CDK8: variants seen among roughly 807,000 people sequenced by gnomAD.
CDK8 encodes cyclin-dependent kinase 8.
Under a neutral mutation model 71.5 loss-of-function variants are expected in CDK8, and 29 were observed. That is an observed-to-expected ratio of 0.41 (90% confidence interval 0.30 to 0.55). CDK8 has a LOEUF of 0.55. Ranked by LOEUF, CDK8 falls within the 20% of genes least tolerant of loss-of-function variation. The probability of loss-of-function intolerance (pLI) is 0.37; values close to 1 mark genes in which losing one functional copy is unlikely to be tolerated. For missense variants in CDK8, 288 were observed against 572.6 expected, an observed-to-expected ratio of 0.50 and a Z score of 5.07; for synonymous variants, 161 against 192.1, an observed-to-expected ratio of 0.84 and a Z score of 1.34.
At chr13:26,286,641 G>A (rs183121445) in intron 1 of CDK8, among the ~76,000 whole-genome samples, 114 of 152,166 alleles carry the variant, frequency 7.5e-4, no homozygotes, top group Non-Finnish European at 1.3e-3. Flanking sequence ...AACAAATGCA[G>A]CAAAAACGAA....
At chr13:26,284,245 A>ACCAAAC (rs1216796962) in intron 1 of CDK8, among the ~76,000 whole-genome samples, 1 of 152,210 alleles carries the variant, frequency 6.6e-6, no homozygotes, top group Non-Finnish European at 1.5e-5. Context: ...CGAAGAACAA[A>ACCAAAC]CCAAACCCAA....
intron 1 of CDK8, among the ~76,000 whole-genome samples, chr13:26,282,795 C>G (rs1268951045): frequency 6.6e-6 from 1 of 152,190 alleles, no homozygotes; most frequent in Non-Finnish European, 1.5e-5. Flanking sequence ...AGTCCACCAA[C>G]TAAGTATCTG....
chr13:26,385,493 G>T, intron 6 of CDK8, 151 bp downstream of exon 6: 1 of 579,180 alleles, frequency 1.7e-6, no homozygotes, highest in Non-Finnish European at 2.8e-6. Flanking sequence ...CAAGCACTTT[G>T]GGAGGCGGAG....
At chr13:26,393,890 A>G (rs1193602443) in intron 7 of CDK8, among the ~76,000 whole-genome samples, 1 of 152,232 alleles carries the variant, frequency 6.6e-6, no homozygotes, top group Admixed American at 6.5e-5. Flanking sequence ...CACATATAAT[A>G]CTGCCACTAT....
At chr13:26,350,574 C>T (rs890916230) in intron 3 of CDK8, among the ~76,000 whole-genome samples, 3 of 152,110 alleles carry the variant, frequency 2.0e-5, no homozygotes, top group Admixed American at 1.3e-4. Context: ...GTCCTGTTTG[C>T]ACTGTTGCAC....
At chr13:26,287,590 A>G (rs1873080108) in intron 1 of CDK8, among the ~76,000 whole-genome samples, 1 of 152,170 alleles carries the variant, frequency 6.6e-6, no homozygotes, top group Non-Finnish European at 1.5e-5. Flanking sequence ...GGGAGGGGCT[A>G]GGGATAAAAG....
At chr13:26,371,676 C>T (rs571832408) in intron 4 of CDK8, among the ~76,000 whole-genome samples, 101 of 152,150 alleles carry the variant, frequency 6.6e-4, no homozygotes, top group Non-Finnish European at 5.0e-4. Flanking sequence ...AGTGCAATGG[C>T]GTGATCTTGG....
chr13:26,328,280 C>T (rs1328038135), intron 1 of CDK8, among the ~76,000 whole-genome samples: 2 of 152,192 alleles, frequency 1.3e-5, no homozygotes, highest in African/African-American at 4.8e-5. Context: ...ATTCACAGTT[C>T]TTACTATATA....
At chr13:26,319,731 TATAG>T (rs1443013470) in intron 1 of CDK8, among the ~76,000 whole-genome samples, 1 of 150,326 alleles carries the variant, frequency 6.7e-6, no homozygotes, top group Non-Finnish European at 1.5e-5. Context: ...CTGAAATTAA[TATAG>T]AATGTCTGGG....
chr13:26,297,142 CA>C (rs1192798416), intron 1 of CDK8, among the ~76,000 whole-genome samples: 46 of 152,176 alleles, frequency 3.0e-4, no homozygotes, highest in African/African-American at 1.0e-3. Context: ...TGATTAGTTA[CA>C]AGGAACAATT....
In CDK8 at chr13:26,301,109, A is replaced by G. The variant is rs142514945; in HGVS notation, c.129-36458A>G. On this transcript the variant is annotated intron_variant, in intron 1 of 12. Transcript: ENST00000381527. ...TGGTTTTAGTCCTTTTCACTTCTGC[A>G]GCTAGAGAGTATTGTTCAAATTTGG... Among the ~76,000 whole-genome samples, 1,029 of 152,120 alleles carry G rather than the reference A, an allele frequency of 6.8e-3. 8 individuals carry two copies. Among genetic ancestry groups the G allele is most frequent in the Middle Eastern group, 0.024 (7 of 294 alleles).
chr13:26,400,868 A>G (rs1190454756), intron 10 of CDK8, among the ~76,000 whole-genome samples: 1 of 152,124 alleles, frequency 6.6e-6, no homozygotes, highest in African/African-American at 2.4e-5. Context: ...CAAAATTGCA[A>G]ATATTCCCAA....
intron 4 of CDK8, among the ~76,000 whole-genome samples, chr13:26,361,706 T>C (rs1342090944): frequency 6.6e-6 from 1 of 151,934 alleles, no homozygotes; most frequent in Non-Finnish European, 1.5e-5. Flanking sequence ...TCATCTCTAA[T>C]TTCTAGCTTA....
intron 1 of CDK8, among the ~76,000 whole-genome samples, chr13:26,307,098 A>G (rs1046938069): frequency 2.0e-5 from 3 of 152,188 alleles, no homozygotes; most frequent in African/African-American, 7.2e-5. Context: ...AGAATAAAAC[A>G]TTAGAAAAGT....
intron 4 of CDK8, among the ~76,000 whole-genome samples, chr13:26,362,415 G>A (rs1565986256): frequency 6.6e-6 from 1 of 152,200 alleles, no homozygotes; most frequent in Non-Finnish European, 1.5e-5. Flanking sequence ...ACCTGAGAAT[G>A]AGGGAGCTGA....
chr13:26,263,670 C>A (rs1186063724), intron 1 of CDK8, among the ~76,000 whole-genome samples: 1 of 145,986 alleles, frequency 6.8e-6, no homozygotes, highest in Non-Finnish European at 1.5e-5. Flanking sequence ...AAACTTCTGA[C>A]CTTAGGGATC....
intron 1 of CDK8, among the ~76,000 whole-genome samples, chr13:26,265,833 G>T (rs756487884): frequency 7.9e-5 from 12 of 152,208 alleles, no homozygotes; most frequent in Non-Finnish European, 1.2e-4. Flanking sequence ...TCCGAAGTCA[G>T]TGGGAACCAT....
At chr13:26,319,842 A>G (rs894316699) in intron 1 of CDK8, among the ~76,000 whole-genome samples, 3 of 152,200 alleles carry the variant, frequency 2.0e-5, no homozygotes, top group African/African-American at 7.2e-5. Context: ...ACAGTAATCA[A>G]AATAATACGG....
intron 4 of CDK8, among the ~76,000 whole-genome samples, chr13:26,381,506 GTAT>G (rs546026616): frequency 6.6e-6 from 1 of 152,066 alleles, no homozygotes; most frequent in African/African-American, 2.4e-5. Flanking sequence ...TAAAACATCA[GTAT>G]TATTATTATT....
Sources: allele counts gnomAD v4.1 joint callset (sites outside exome capture counted in the v4.1 genomes callset), GRCh38; gene constraint gnomAD v4.1.1; transcripts MANE v1.5; gene names NCBI Gene and HGNC (gene_info 2026-07-23, HGNC 2026-07-21).